Variants in TLN2 observed in about 807,000 individuals in gnomAD.
The protein encoded by TLN2 is talin 2, also known as talin-2.
TLN2 carries 118 observed loss-of-function variants against 294.7 expected under a neutral mutation model. The observed-to-expected ratio is 0.40, with a 90% CI of 0.34 to 0.47. TLN2 has a LOEUF of 0.47. Among genes scored for constraint, TLN2 ranks in the 20% least tolerant of loss-of-function variants. The pLI is 0.84. For synonymous variants in TLN2, 1,431 were observed against 1,304.5 expected (o/e 1.10, Z -2.09); for missense variants, 3,083 against 3,282.2 (o/e 0.94, Z 1.48).
At chr15:62,464,696 T>G (rs966572057) in intron 1 of TLN2, among the ~76,000 whole-genome samples, 11 of 152,124 alleles carry the variant, frequency 7.2e-5, no homozygotes, top group African/African-American at 1.2e-4. Flanking sequence ...AATTTTGGTG[T>G]TGTTGGGTGA....
intron 1 of TLN2, among the ~76,000 whole-genome samples, chr15:62,437,875 AT>A: frequency 6.6e-6 from 1 of 152,220 alleles, no homozygotes; most frequent in East Asian, 1.9e-4. Context: ...AAATGTATTG[AT>A]TAACATAGTC....
Position 62,809,122 on chromosome 15 carries a change from T to C in TLN2, c.6664-803T>C, listed in dbSNP as rs893798814. On this transcript the variant is annotated intron_variant, in intron 51 of 58. Coordinates refer to ENST00000636159, the MANE Select transcript of TLN2 (RefSeq NM_015059.3). Reference sequence around the variant, plus strand: ...TAGAAGGAAGGGGTAGGGTTGCTAGTTGTAAAAAATAAAAAATAGGATGTC... The same window carrying C: ...TAGAAGGAAGGGGTAGGGTTGCTAGCTGTAAAAAATAAAAAATAGGATGTC... 2.6e-5 allele frequency among the ~76,000 whole-genome samples: 4 copies of C among 152,334 alleles called. No homozygotes were observed. The East Asian group carries it at 7.7e-4, about 29-fold the overall frequency.
chr15:62,673,798 C>T, intron 9 of TLN2, 29 bp from the exon 10 acceptor site: 1 of 1,578,774 alleles, frequency 6.3e-7, no homozygotes, highest in Non-Finnish European at 8.7e-7. Flanking sequence ...ATGATAAATG[C>T]CTTTCCTTTT....
At chr15:62,792,816 C>A in intron 46 of TLN2, 29 bp downstream of exon 46, 3 of 1,612,158 alleles carry the variant, frequency 1.9e-6, no homozygotes, top group Non-Finnish European at 2.5e-6. Context: ...TTTAGAGTCA[C>A]AAGAACCTGC....
At chr15:62,575,165 T>G (rs1444652945) in intron 1 of TLN2, among the ~76,000 whole-genome samples, 2 of 151,930 alleles carry the variant, frequency 1.3e-5, no homozygotes, top group East Asian at 3.9e-4. Flanking sequence ...ATTTAAAAAT[T>G]GGTCCAGAAT....
At chr15:62,616,820 C>G (rs1378967945) in intron 2 of TLN2, among the ~76,000 whole-genome samples, 3 of 152,138 alleles carry the variant, frequency 2.0e-5, no homozygotes, top group South Asian at 4.1e-4. Context: ...TTTTTAAAAA[C>G]CTAGTTTGAA....
intron 54 of TLN2, chr15:62,828,706 G>A (rs1042184550): frequency 6.6e-6 from 1 of 152,290 alleles, no homozygotes; most frequent in Non-Finnish European, 1.5e-5. Context: ...TGATGTGGAT[G>A]CTTACTCTGT....
At chr15:62,460,181 C>G (rs925202065) in intron 1 of TLN2, among the ~76,000 whole-genome samples, 4 of 152,148 alleles carry the variant, frequency 2.6e-5, no homozygotes, top group African/African-American at 9.7e-5. Flanking sequence ...ATTGCAGCAG[C>G]CAGCCATGTG....
At chr15:62,534,193 C>T (rs912484844) in intron 1 of TLN2, among the ~76,000 whole-genome samples, 5 of 152,082 alleles carry the variant, frequency 3.3e-5, no homozygotes, top group South Asian at 2.1e-4. Flanking sequence ...GATTGATTCT[C>T]CTGCAGACAC....
chr15:62,549,068 C>G (rs1391010877), intron 1 of TLN2, among the ~76,000 whole-genome samples: 1 of 152,170 alleles, frequency 6.6e-6, no homozygotes, highest in Non-Finnish European at 1.5e-5. Context: ...TTATCCTCAT[C>G]TGCTTTAGCT....
intron 46 of TLN2, 71 bp from the exon 47 acceptor site, chr15:62,796,056 T>A (rs2065453338): frequency 5.8e-6 from 9 of 1,555,434 alleles, no homozygotes; most frequent in Non-Finnish European, 7.8e-6. Context: ...AATTCATTAT[T>A]TTCAGAATCT....
At chr15:62,692,766 G>A (rs1480461722) in intron 12 of TLN2, 74 bp from the exon 13 acceptor site, 1 of 1,142,664 alleles carries the variant, frequency 8.8e-7, no homozygotes, top group African/African-American at 1.5e-5. Flanking sequence ...TATTGTTCTA[G>A]AGCTGGACCT....
At chr15:62,750,653 C>T (rs2061883722) in intron 34 of TLN2, among the ~76,000 whole-genome samples, 162 bp downstream of exon 34, 1 of 152,192 alleles carries the variant, frequency 6.6e-6, no homozygotes, top group South Asian at 2.1e-4. Flanking sequence ...GCTTCTCAAA[C>T]TTGACGGTGC....
chr15:62,808,722 G>A (rs564809371), intron 51 of TLN2, among the ~76,000 whole-genome samples: 45 of 152,312 alleles, frequency 3.0e-4, no homozygotes, highest in South Asian at 2.1e-3. Flanking sequence ...GTGCCTCACC[G>A]TTCGAGGCAC....
At chr15:62,653,341 A>G (rs779713284) in intron 7 of TLN2, 27 bp downstream of exon 7, 13 of 1,595,534 alleles carry the variant, frequency 8.1e-6, no homozygotes, top group African/African-American at 1.4e-5. Flanking sequence ...GAAGCATGAT[A>G]CAGACACACA....
At chr15:62,481,608 A>G (rs942656802) in intron 1 of TLN2, among the ~76,000 whole-genome samples, 3 of 151,876 alleles carry the variant, frequency 2.0e-5, no homozygotes, top group Admixed American at 1.3e-4. Flanking sequence ...CGATCCTCCC[A>G]CCTCAGTCTC....
At chr15:62,774,484 A>G (rs1249612064) in intron 42 of TLN2, among the ~76,000 whole-genome samples, 1 of 152,170 alleles carries the variant, frequency 6.6e-6, no homozygotes, top group African/African-American at 2.4e-5. Flanking sequence ...ATTGAGCTCT[A>G]CTAGCAGGTA....
At chr15:62,495,590 A>C (rs2038973769) in intron 1 of TLN2, among the ~76,000 whole-genome samples, 2 of 152,250 alleles carry the variant, frequency 1.3e-5, no homozygotes, top group Admixed American at 6.5e-5. Context: ...GAGGCTGAAC[A>C]CATGGAACAG....
chr15:62,546,229 A>G, intron 1 of TLN2, among the ~76,000 whole-genome samples: 1 of 152,200 alleles, frequency 6.6e-6, no homozygotes, highest in East Asian at 1.9e-4. Context: ...GAGTTGCTGC[A>G]AACCACTTGG....
Sources: allele counts gnomAD v4.1 joint callset (sites outside exome capture counted in the v4.1 genomes callset), GRCh38; gene constraint gnomAD v4.1.1; transcripts MANE v1.5; gene names NCBI Gene and HGNC (gene_info 2026-07-23, HGNC 2026-07-21).